Variants in SIPA1L1 observed in about 807,000 individuals in gnomAD.
SIPA1L1 encodes the protein signal-induced proliferation-associated 1-like protein 1.
In SIPA1L1, 26 loss-of-function variants were observed where a neutral mutation model predicts 162.7. The observed-to-expected ratio is 0.16, with a 90% CI of 0.12 to 0.22. The LOEUF (loss-of-function observed/expected upper bound fraction) is 0.22. Ranked by LOEUF, SIPA1L1 falls within the 10% of genes least tolerant of loss-of-function variation. The pLI is 1.00. For synonymous variants in SIPA1L1, 829 were observed against 837.4 expected (o/e 0.99, Z 0.17); for missense variants, 1,874 against 2,241.0 (o/e 0.84, Z 3.31).
chr14:71,699,612 T>C (rs1290417456), intron 14 of SIPA1L1, among the ~76,000 whole-genome samples: 1 of 152,084 alleles, frequency 6.6e-6, no homozygotes, highest in Non-Finnish European at 1.5e-5. Context: ...CCCCGGTAAA[T>C]GAGGAGTTTG....
chr14:71,424,208 A>G (rs553688070), intron 2 of SIPA1L1, among the ~76,000 whole-genome samples: 1 of 152,226 alleles, frequency 6.6e-6, no homozygotes, highest in Non-Finnish European at 1.5e-5. Flanking sequence ...ATGTAAGATT[A>G]TATCACCTGT....
intron 2 of SIPA1L1, among the ~76,000 whole-genome samples, chr14:71,383,619 C>T (rs1361239576): frequency 6.6e-6 from 1 of 152,098 alleles, no homozygotes; most frequent in Non-Finnish European, 1.5e-5. Flanking sequence ...ATTTGCTCAG[C>T]TCCTGGCGAG....
At position 71,351,232 on chromosome 14, in the gene SIPA1L1, G is replaced by T. The variant is rs559482709; in HGVS notation, c.-465+30051G>T. 5.9e-5 allele frequency among the ~76,000 whole-genome samples: 9 copies of T among 152,220 alleles called. No homozygotes were observed. The South Asian group carries it at 1.9e-3, about 32-fold the overall frequency. ...TGATACTAAAATTTCATGGGAGAGG[G>T]TGATTAAGAAAAAATGCCTAAAAAG... On this transcript the variant is annotated intron_variant, in intron 2 of 23. Transcript: ENST00000381232.
intron 13 of SIPA1L1, among the ~76,000 whole-genome samples, chr14:71,695,792 T>G (rs1465306581): frequency 1.3e-5 from 2 of 152,222 alleles, no homozygotes; most frequent in African/African-American, 4.8e-5. Flanking sequence ...GAAACTCTAT[T>G]TGAAGTTTCT....
At chr14:71,397,633 C>T (rs1382495019) in intron 2 of SIPA1L1, among the ~76,000 whole-genome samples, 2 of 152,142 alleles carry the variant, frequency 1.3e-5, no homozygotes, top group East Asian at 3.9e-4. Context: ...CTGAGCAGGT[C>T]ATTTAAAAAC....
intron 4 of SIPA1L1, among the ~76,000 whole-genome samples, chr14:71,542,604 TCCTCCC>T (rs1359438950): frequency 5.7e-5 from 7 of 122,424 alleles, no homozygotes; most frequent in East Asian, 2.6e-4. Flanking sequence ...CTCCTCCTCT[TCCTCCC>T]CCTCCCCCTC....
chr14:71,655,731 G>A (rs1027596447), intron 8 of SIPA1L1, among the ~76,000 whole-genome samples: 1 of 152,064 alleles, frequency 6.6e-6, no homozygotes. Flanking sequence ...GTGATGTTGA[G>A]CATTTTTTCA....
At chr14:71,432,750 A>G (rs1050605105) in intron 2 of SIPA1L1, among the ~76,000 whole-genome samples, 7 of 152,208 alleles carry the variant, frequency 4.6e-5, no homozygotes, top group African/African-American at 9.6e-5. Flanking sequence ...AGAATGAACA[A>G]TCAAATGAAT....
At chr14:71,446,536 T>A (rs1173958001) in intron 2 of SIPA1L1, among the ~76,000 whole-genome samples, 1 of 152,106 alleles carries the variant, frequency 6.6e-6, no homozygotes, top group Non-Finnish European at 1.5e-5. Flanking sequence ...CCACTGCACT[T>A]CAGCTTGGGC....
intron 5 of SIPA1L1, among the ~76,000 whole-genome samples, chr14:71,599,995 G>A (rs1015303572): frequency 6.6e-6 from 1 of 151,962 alleles, no homozygotes; most frequent in African/African-American, 2.4e-5. Flanking sequence ...TGAGTTCCTT[G>A]TGTATTCTGG....
chr14:71,610,111 TTAATG>T (rs543384047), intron 5 of SIPA1L1, among the ~76,000 whole-genome samples: 91 of 152,308 alleles, frequency 6.0e-4, no homozygotes, highest in African/African-American at 2.2e-3. Flanking sequence ...TGCAACAACT[TTAATG>T]TAATATTAAA....
chr14:71,351,829 T>C (rs112012652), intron 2 of SIPA1L1, among the ~76,000 whole-genome samples: 2,684 of 152,194 alleles, frequency 0.018, 32 homozygotes, highest in African/African-American at 0.026. Context: ...TAAATCTATA[T>C]TGAGTGCCTA....
intron 4 of SIPA1L1, among the ~76,000 whole-genome samples, chr14:71,564,125 G>A (rs2057003102): frequency 6.6e-6 from 1 of 151,674 alleles, no homozygotes; most frequent in Non-Finnish European, 1.5e-5. Flanking sequence ...TTTTAAATTT[G>A]TTTTTTTGAG....
chr14:71,725,406 A>C (rs1306257571), intron 19 of SIPA1L1, among the ~76,000 whole-genome samples: 2 of 152,136 alleles, frequency 1.3e-5, no homozygotes, highest in Non-Finnish European at 2.9e-5. Flanking sequence ...CTACCCACAC[A>C]CCTTCAGAAC....
intron 14 of SIPA1L1, among the ~76,000 whole-genome samples, chr14:71,701,081 G>GC (rs1228016901): frequency 6.9e-6 from 1 of 145,894 alleles, no homozygotes; most frequent in Non-Finnish European, 1.5e-5. Flanking sequence ...CTTTGCAGAT[G>GC]CTTTATGTAG....
chr14:71,722,485 G>A (rs540095466), intron 17 of SIPA1L1, among the ~76,000 whole-genome samples: 17 of 152,322 alleles, frequency 1.1e-4, no homozygotes, highest in African/African-American at 4.1e-4. Flanking sequence ...CTGAAAGTCT[G>A]TTGTAGCAAG....
chr14:71,591,214 A>C (rs1389070453), intron 5 of SIPA1L1, among the ~76,000 whole-genome samples: 7 of 152,160 alleles, frequency 4.6e-5, no homozygotes, highest in Non-Finnish European at 1.0e-4. Flanking sequence ...GCACTGTACT[A>C]GGCATTTGCT....
intron 7 of SIPA1L1, among the ~76,000 whole-genome samples, chr14:71,631,103 G>C (rs533862282): frequency 6.6e-6 from 1 of 152,162 alleles, no homozygotes; most frequent in Non-Finnish European, 1.5e-5. Flanking sequence ...TCCCACCTAT[G>C]AGTGAGAACA....
chr14:71,457,383 T>A (rs2141758244), intron 2 of SIPA1L1, among the ~76,000 whole-genome samples: 1 of 151,546 alleles, frequency 6.6e-6, no homozygotes, highest in Non-Finnish European at 1.5e-5. Flanking sequence ...CACTGCAACC[T>A]CCGCCTCCCG....
Sources: gnomAD v4.1 joint callset for allele counts (sites outside exome capture counted in the v4.1 genomes callset) on GRCh38, gnomAD v4.1.1 for gene constraint, MANE v1.5 for transcripts, NCBI Gene and HGNC (gene_info 2026-07-23, HGNC 2026-07-21) for gene names.